ERG: variants seen among roughly 807,000 people sequenced by gnomAD.
ERG encodes the protein transcriptional regulator ERG.
Under a neutral mutation model 55.3 loss-of-function variants are expected in ERG, and 9 were observed. That is an observed-to-expected ratio of 0.16 (90% CI 0.10 to 0.28). The LOEUF is 0.28. ERG is among the 10% of genes least tolerant of loss of function. ERG has a pLI of 1.00. For synonymous variants in ERG, 223 were observed against 237.3 expected, an observed-to-expected ratio of 0.94 and a Z score of 0.55; for missense variants, 434 against 631.6, an observed-to-expected ratio of 0.69 and a Z score of 3.35.
At chr21:38,612,456 G>A (rs2060233430) in intron 1 of ERG, among the ~76,000 whole-genome samples, 1 of 152,026 alleles carries the variant, frequency 6.6e-6, no homozygotes, top group Non-Finnish European at 1.5e-5. Context: ...TGTTTTGAAA[G>A]GCTGAAATTA....
upstream of ERG, among the ~76,000 whole-genome samples, chr21:38,585,342 A>T (rs1365236399): frequency 2.6e-5 from 4 of 152,194 alleles, no homozygotes; most frequent in African/African-American, 9.7e-5. Flanking sequence ...TTTAGAAAAC[A>T]TCCCGAGAAC....
intron 2 of ERG, among the ~76,000 whole-genome samples, chr21:38,570,961 T>C (rs1222423847): frequency 6.6e-6 from 1 of 152,212 alleles, no homozygotes; most frequent in Non-Finnish European, 1.5e-5. Context: ...CAAATGTTAG[T>C]AAATGAAAAT....
chr21:38,594,755 A>G (rs1440694663), intron 1 of ERG, among the ~76,000 whole-genome samples: 3 of 152,252 alleles, frequency 2.0e-5, no homozygotes, highest in African/African-American at 7.2e-5. Context: ...GACAACAATA[A>G]TAACTTAGGC....
At position 38,426,791 on chromosome 21, in the gene ERG, G is replaced by A. The variant is rs569456988; in HGVS notation, c.237-3230C>T. Reference sequence around the variant, plus strand: ...ACTTAAAAAAAAAAATTAGCCGGGCGTGGTGGTGCATGCCCGTAATCCCAG... The same window carrying A: ...ACTTAAAAAAAAAAATTAGCCGGGCATGGTGGTGCATGCCCGTAATCCCAG... On this transcript the variant is annotated intron_variant, in intron 2 of 9. Coordinates refer to ENST00000288319, the MANE Select transcript of ERG (RefSeq NM_182918.4). Among the ~76,000 whole-genome samples the A allele has an allele frequency of 4.6e-5, 7 of 151,938 alleles. No homozygotes were observed. The East Asian group carries it at 5.9e-4, about 13-fold the overall frequency.
chr21:38,511,390 G>A (rs2059510416), intron 2 of ERG, among the ~76,000 whole-genome samples: 1 of 152,210 alleles, frequency 6.6e-6, no homozygotes, highest in African/African-American at 2.4e-5. Flanking sequence ...GGCATTGATT[G>A]ATGTTTAATA....
chr21:38,539,975 C>A (rs963645640), intron 2 of ERG, among the ~76,000 whole-genome samples: 11 of 148,784 alleles, frequency 7.4e-5, no homozygotes, highest in Admixed American at 2.0e-4. Context: ...TGGCTCACTG[C>A]AACCTCCAAC....
chr21:38,612,059 T>C (rs2060230720), intron 1 of ERG, among the ~76,000 whole-genome samples: 1 of 152,164 alleles, frequency 6.6e-6, no homozygotes, highest in Admixed American at 6.5e-5. Flanking sequence ...AGCTCATAAA[T>C]AGGAGGAAGA....
intron 1 of ERG, among the ~76,000 whole-genome samples, chr21:38,447,127 G>C (rs531267948): frequency 1.3e-5 from 2 of 151,040 alleles, no homozygotes; most frequent in Non-Finnish European, 2.9e-5. Context: ...TCTGTCGCTC[G>C]ATCCTCCACC....
intron 2 of ERG, among the ~76,000 whole-genome samples, chr21:38,424,621 G>C (rs1292880606): frequency 2.0e-5 from 3 of 152,186 alleles, no homozygotes; most frequent in Admixed American, 2.0e-4. Context: ...ATGCTGTGGG[G>C]CGGCACCAGG....
chr21:38,477,616 T>G (rs535043828), intron 1 of ERG, among the ~76,000 whole-genome samples: 1 of 152,282 alleles, frequency 6.6e-6, no homozygotes, highest in South Asian at 2.1e-4. Flanking sequence ...GTCACTTAAT[T>G]TATCACTCAG....
rs117950062 is a variant in ERG, at chr21:38,604,981, G to A, written c.-149-20036C>T. Among the ~76,000 whole-genome samples, 98 of 152,226 alleles carry A rather than the reference G, an allele frequency of 6.4e-4. 1 individual carries two copies. In the East Asian group the frequency reaches 0.017, roughly 27 times the overall value. ...CTTTCTAACTGAAGATTCTGCTCTC[G>A]TTCCCCTTAAAACAATCTTCAGTGT... On this transcript the variant is annotated intron_variant, in intron 1 of 10. Coordinates refer to the ERG transcript ENST00000398910.
chr21:38,381,109 C>T lies in ERG; in HGVS notation c.*2294G>A. ...TCCAAATGACACGGGGTGTCAGGAG[C>T]ATTGGTAATCGTGTCCTGCCGACTT... is the stretch of plus-strand genomic sequence containing the variant. On this transcript the variant is annotated 3_prime_UTR_variant, in exon 10 of 10. Coordinates refer to ENST00000288319, the MANE Select transcript of ERG (RefSeq NM_182918.4). 9.4e-7 allele frequency: 1 copy of T among 1,064,888 alleles called. No individual in the cohort carries two copies. The highest frequency in any genetic ancestry group is 4.6e-5 in the South Asian group (1 of 21,972). 66.0% of individuals were successfully genotyped at this position (1,064,888 alleles called of 1,614,324 possible).
At chr21:38,644,838 T>G (rs1046939214) in intron 1 of ERG, among the ~76,000 whole-genome samples, 3 of 152,184 alleles carry the variant, frequency 2.0e-5, no homozygotes, top group African/African-American at 7.2e-5. Context: ...ATGCCATCAT[T>G]GACCCCAGGT....
At chr21:38,581,915 C>T (rs1335570244) in intron 1 of ERG, among the ~76,000 whole-genome samples, 1 of 151,938 alleles carries the variant, frequency 6.6e-6, no homozygotes, top group Admixed American at 6.6e-5. Flanking sequence ...TGGTGGTGGA[C>T]GCCTGTAGTC....
intron 1 of ERG, among the ~76,000 whole-genome samples, chr21:38,658,157 T>C (rs2146996300): frequency 6.6e-6 from 1 of 152,308 alleles, no homozygotes; most frequent in African/African-American, 2.4e-5. Flanking sequence ...TCCTGCTCTC[T>C]GGAAAACTGC....
upstream of ERG, among the ~76,000 whole-genome samples, chr21:38,501,808 CT>C (rs769031759): frequency 6.3e-4 from 96 of 152,212 alleles, 1 homozygote; most frequent in Non-Finnish European, 1.2e-4. Flanking sequence ...AACCCATCCC[CT>C]GTGAATCTGC....
chr21:38,543,081 T>C (rs929937547), intron 2 of ERG, among the ~76,000 whole-genome samples: 4 of 152,208 alleles, frequency 2.6e-5, no homozygotes, highest in African/African-American at 9.6e-5. Flanking sequence ...CAGCCAACAC[T>C]ACCCTTTCTG....
At chr21:38,627,028 T>C (rs963068009) in intron 1 of ERG, among the ~76,000 whole-genome samples, 3 of 152,124 alleles carry the variant, frequency 2.0e-5, no homozygotes, top group Non-Finnish European at 2.9e-5. Flanking sequence ...AACAAATGTA[T>C]TGGCAAACAA....
chr21:38,431,121 C>G (rs538872594), intron 2 of ERG, among the ~76,000 whole-genome samples: 2 of 152,268 alleles, frequency 1.3e-5, no homozygotes, highest in African/African-American at 4.8e-5. Context: ...TTAAAACATA[C>G]TAGTATTCTG....
Sources: allele counts gnomAD v4.1 joint callset (sites outside exome capture counted in the v4.1 genomes callset), GRCh38; gene constraint gnomAD v4.1.1; transcripts MANE v1.5; gene names NCBI Gene and HGNC (gene_info 2026-07-23, HGNC 2026-07-21).